Variants in ASPRV1 observed in about 807,000 individuals in gnomAD.
The protein encoded by ASPRV1 is aspartic peptidase retroviral like 1, also known as retroviral-like aspartic protease 1.
A neutral mutation model predicts 11.0 loss-of-function variants in ASPRV1; 7 were observed. The ratio of observed to expected loss-of-function variants is 0.64; its 90% CI spans 0.36 to 1.20. ASPRV1 has a LOEUF of 1.20. Among genes scored for constraint, ASPRV1 ranks in the 50% most tolerant of loss-of-function variants. The pLI is 0.02. For synonymous variants in ASPRV1, 136 were observed against 138.4 expected (o/e 0.98, Z 0.12); for missense variants, 299 against 320.0 (o/e 0.93, Z 0.50).
At chr2:69,972,243 A>G in the ASPRV1 span, among the ~76,000 whole-genome samples, 1 of 151,252 alleles carries the variant, frequency 6.6e-6, no homozygotes, top group Non-Finnish European at 1.5e-5. Context: ...TTGTATTTTT[A>G]GTAGACATGG....
chr2:70,019,123 C>T, the ASPRV1 span: 1 of 152,116 alleles, frequency 6.6e-6, no homozygotes, highest in African/African-American at 2.4e-5. Context: ...AGACATTTCC[C>T]AAAATACGAC....
At chr2:69,980,164 A>G in the ASPRV1 span, among the ~76,000 whole-genome samples, 9 of 152,164 alleles carry the variant, frequency 5.9e-5, no homozygotes, top group African/African-American at 2.2e-4. Flanking sequence ...AGGATGCAGC[A>G]CCAGTCACAG....
chr2:70,016,584 T>C, the ASPRV1 span, among the ~76,000 whole-genome samples: 4 of 152,226 alleles, frequency 2.6e-5, no homozygotes, highest in Admixed American at 2.6e-4. Flanking sequence ...GCCAGGCTCA[T>C]GTCTGTAATC....
At chr2:70,080,297 G>C in the ASPRV1 span, among the ~76,000 whole-genome samples, 1 of 151,752 alleles carries the variant, frequency 6.6e-6, no homozygotes, top group Admixed American at 6.6e-5. Flanking sequence ...CACCATCTTG[G>C]GTCACTGCAA....
the ASPRV1 span, among the ~76,000 whole-genome samples, chr2:69,986,410 T>C: frequency 6.6e-6 from 1 of 152,196 alleles, no homozygotes; most frequent in Non-Finnish European, 1.5e-5. Flanking sequence ...ATGCCCAGAA[T>C]GGAATCTGCT....
the ASPRV1 span, among the ~76,000 whole-genome samples, chr2:69,977,464 G>C: frequency 1.3e-5 from 2 of 152,128 alleles, no homozygotes; most frequent in Non-Finnish European, 2.9e-5. Flanking sequence ...AAGATCACGG[G>C]GCTGAAAGGC....
At chr2:70,047,270 C>G in the ASPRV1 span, among the ~76,000 whole-genome samples, 1 of 152,172 alleles carries the variant, frequency 6.6e-6, no homozygotes. Flanking sequence ...CAAGATTCCA[C>G]AGCCAGCAAT....
At chr2:70,022,372 C>A in the ASPRV1 span, among the ~76,000 whole-genome samples, 1 of 145,336 alleles carries the variant, frequency 6.9e-6, no homozygotes, top group Non-Finnish European at 1.5e-5. Context: ...TACACACACA[C>A]ACACACACAC....
the ASPRV1 span, among the ~76,000 whole-genome samples, chr2:69,943,425 T>G: frequency 6.6e-6 from 1 of 152,136 alleles, no homozygotes; most frequent in Admixed American, 6.6e-5. Flanking sequence ...GAGTGAGTGT[T>G]TGCTGGGAAA....
At chr2:70,058,112 GGCTTT>G in the ASPRV1 span, among the ~76,000 whole-genome samples, 11 of 152,228 alleles carry the variant, frequency 7.2e-5, no homozygotes, top group East Asian at 2.1e-3. Context: ...TGTATGTGTT[GGCTTT>G]ATCAGTACCA....
chr2:69,961,347 G>A lies in ASPRV1; in HGVS notation c.90C>T (p.Asn30=). Residue 30 remains asparagine (N), a synonymous_variant, in exon 1 of 1, where the codon AAC becomes AAT. Coordinates refer to ENST00000320256, the MANE Select transcript of ASPRV1 (RefSeq NM_152792.4). The part of the protein sequence containing the change: ...EPFDGANVVP[N]LWLHSFEVIN... ...TGACTTCAAAGCTGTGCAGCCAGAGGTTTGGGACGACATTGGCCCCATCAA... is the reference window on the plus strand; with the variant it reads ...TGACTTCAAAGCTGTGCAGCCAGAGATTTGGGACGACATTGGCCCCATCAA... 3.7e-6 allele frequency: 6 copies of A among 1,614,140 alleles called. No individual in the cohort carries two copies. The highest frequency in any genetic ancestry group is 5.1e-6 in the Non-Finnish European group (6 of 1,180,032).
the ASPRV1 span, among the ~76,000 whole-genome samples, chr2:69,999,573 T>C: frequency 1.4e-5 from 2 of 145,460 alleles, no homozygotes; most frequent in East Asian, 3.9e-4. Flanking sequence ...GGATAATCAC[T>C]TGAACACAGG....
At chr2:70,074,536 A>G in the ASPRV1 span, among the ~76,000 whole-genome samples, 1 of 151,442 alleles carries the variant, frequency 6.6e-6, no homozygotes, top group South Asian at 2.1e-4. Flanking sequence ...TCGACCTCCC[A>G]AAGTACTGGG....
chr2:70,042,140 T>C, the ASPRV1 span, among the ~76,000 whole-genome samples: 1 of 152,170 alleles, frequency 6.6e-6, no homozygotes. Context: ...TGAAAAATGT[T>C]ATATATTCTA....
the ASPRV1 span, chr2:70,050,007 G>A: frequency 6.6e-6 from 1 of 152,208 alleles, no homozygotes; most frequent in Admixed American, 6.5e-5. Context: ...TACAAGGCTG[G>A]GCGCAGTGGC....
chr2:69,951,529 TCATATCATATATATACACATA>T, the ASPRV1 span, among the ~76,000 whole-genome samples: 17 of 143,386 alleles, frequency 1.2e-4, no homozygotes, highest in Admixed American at 9.8e-4. Context: ...ACACACACAC[TCATATCATATATATACACATA>T]CATATCATAT....
At chr2:69,984,218 T>C in the ASPRV1 span, among the ~76,000 whole-genome samples, 1 of 152,016 alleles carries the variant, frequency 6.6e-6, no homozygotes, top group Non-Finnish European at 1.5e-5. Context: ...TTTGTATTTT[T>C]AGTAGAGACG....
the ASPRV1 span, chr2:69,995,404 A>G: frequency 3.1e-4 from 47 of 152,408 alleles, no homozygotes; most frequent in African/African-American, 1.1e-3. Flanking sequence ...AAAAAAAAAA[A>G]AACTTTTGCT....
chr2:70,056,599 C>G, the ASPRV1 span: 1 of 43,502 alleles, frequency 2.3e-5, no homozygotes, highest in East Asian at 6.7e-4. Flanking sequence ...AGCGAGACTC[C>G]GTCTCAAAAA....
Sources: allele counts gnomAD v4.1 joint callset (sites outside exome capture counted in the v4.1 genomes callset), GRCh38; gene constraint gnomAD v4.1.1; transcripts MANE v1.5; gene names NCBI Gene and HGNC (gene_info 2026-07-23, HGNC 2026-07-21).